Variants in CSMD1 observed in about 807,000 individuals in gnomAD.
CSMD1 encodes the protein CUB and sushi domain-containing protein 1.
CSMD1 carries 213 observed loss-of-function variants against 417.5 expected under a neutral mutation model. That is an observed-to-expected ratio of 0.51 (90% CI 0.46 to 0.57). The LOEUF (loss-of-function observed/expected upper bound fraction) is 0.57. CSMD1 is among the 20% of genes least tolerant of loss of function. The pLI is 0.00. For synonymous variants in CSMD1, 2,862 were observed against 1,736.8 expected (o/e 1.65, Z -16.11); for missense variants, 6,923 against 4,529.7 (o/e 1.53, Z -15.17).
Position 3,223,874 on chromosome 8 carries a change from C to G in CSMD1, c.4346-7G>C, listed in dbSNP as rs762856369. On this transcript the variant is annotated splice_polypyrimidine_tract_variant and splice_region_variant and intron_variant, in intron 27 of 69. Transcript: ENST00000635120. ...AGATTCCCTCCACAAGCAGCTGTCACAGAACAAAAGTTACAGAGAAAAAGT... is the reference window on the plus strand; with the variant it reads ...AGATTCCCTCCACAAGCAGCTGTCAGAGAACAAAAGTTACAGAGAAAAAGT... 2 of 1,613,454 alleles carry G rather than the reference C, an allele frequency of 1.2e-6. No individual in the cohort carries two copies. The highest frequency in any genetic ancestry group is 1.7e-6 in the Non-Finnish European group (2 of 1,179,604).
intron 9 of CSMD1, among the ~76,000 whole-genome samples, chr8:3,585,901 AT>A (rs1236504244): frequency 3.9e-5 from 6 of 152,150 alleles, no homozygotes; most frequent in African/African-American, 1.2e-4. Context: ...GTATGTGTGG[AT>A]TTGCTCACAT....
chr8:3,896,360 A>G lies in CSMD1; in HGVS notation c.818+101543T>C, dbSNP rs57227722. 9.3e-3 allele frequency among the ~76,000 whole-genome samples: 1,415 copies of G among 152,324 alleles called. 29 individuals are homozygous for G. Among genetic ancestry groups the G allele is most frequent in the African/African-American group, 0.032 (1,330 of 41,562 alleles). Reference sequence around the variant, plus strand: ...CACTTTGCTGAATTAGCAAAACATTAAGACTAATAGTCCAAACAGATGTTA... The same window carrying G: ...CACTTTGCTGAATTAGCAAAACATTGAGACTAATAGTCCAAACAGATGTTA... On this transcript the variant is annotated intron_variant, in intron 5 of 69. Transcript: ENST00000635120.
chr8:4,037,368 C>T (rs77143253), intron 3 of CSMD1, among the ~76,000 whole-genome samples: 8,084 of 152,268 alleles, frequency 0.053, 300 homozygotes, highest in Non-Finnish European at 0.075. Context: ...GCTGTAACAG[C>T]AATGGCCATC....
At chr8:3,630,055 A>G (rs1272657950) in intron 7 of CSMD1, among the ~76,000 whole-genome samples, 1 of 83,890 alleles carries the variant, frequency 1.2e-5, no homozygotes, top group Non-Finnish European at 2.8e-5. Context: ...ACTTTTCTAC[A>G]TTAGAGATCA....
At chr8:4,142,611 G>C (rs1371647667) in intron 3 of CSMD1, among the ~76,000 whole-genome samples, 1 of 151,090 alleles carries the variant, frequency 6.6e-6, no homozygotes, top group African/African-American at 2.5e-5. Context: ...TAGCTTAGCA[G>C]CACTGGCTCT....
rs920011218 is a variant in CSMD1, at chr8:3,239,495, C to T, written c.4154-9264G>A. On this transcript the variant is annotated intron_variant, in intron 26 of 69. Transcript: ENST00000635120. ...CAAGAGGTATTTTAGTTTGCTGACT[C>T]GGGGCATGTTGAGTAAAGCTAATTT... Among the ~76,000 whole-genome samples, 12 of 152,244 alleles carry T rather than the reference C, an allele frequency of 7.9e-5. No homozygotes were observed. The South Asian group carries it at 1.2e-3, about 16-fold the overall frequency.
chr8:3,861,441 A>T (rs1804703047), intron 5 of CSMD1, among the ~76,000 whole-genome samples: 1 of 152,328 alleles, frequency 6.6e-6, no homozygotes, highest in African/African-American at 2.4e-5. Flanking sequence ...TGGGGGTACT[A>T]TGAATGAACA....
intron 3 of CSMD1, among the ~76,000 whole-genome samples, chr8:4,301,668 A>G (rs1235682779): frequency 2.0e-5 from 3 of 152,216 alleles, no homozygotes; most frequent in Admixed American, 1.3e-4. Flanking sequence ...GGCCTCTTCA[A>G]TTAGGGCATG....
At chr8:4,429,166 ATATT>A (rs1192240236) in intron 2 of CSMD1, among the ~76,000 whole-genome samples, 1 of 150,698 alleles carries the variant, frequency 6.6e-6, no homozygotes, top group African/African-American at 2.4e-5. Flanking sequence ...TATATAATAT[ATATT>A]TATATAATTG....
At chr8:4,496,550 T>G (rs1226861817) in intron 2 of CSMD1, among the ~76,000 whole-genome samples, 1 of 152,194 alleles carries the variant, frequency 6.6e-6, no homozygotes, top group African/African-American at 2.4e-5. Context: ...ACCTCTGTTT[T>G]GAACTTCGCC....
At chr8:3,982,412 G>A (rs943141094) in intron 5 of CSMD1, among the ~76,000 whole-genome samples, 1 of 151,518 alleles carries the variant, frequency 6.6e-6, no homozygotes, top group East Asian at 1.9e-4. Flanking sequence ...GCTAATATAT[G>A]GAAAGCACAA....
At chr8:4,498,436 C>A (rs777318244) in intron 2 of CSMD1, among the ~76,000 whole-genome samples, 3 of 152,048 alleles carry the variant, frequency 2.0e-5, no homozygotes, top group Non-Finnish European at 4.4e-5. Flanking sequence ...GCTTCAGAGG[C>A]ATTTACTTAA....
intron 26 of CSMD1, among the ~76,000 whole-genome samples, chr8:3,258,379 A>C (rs1279347592): frequency 3.3e-5 from 5 of 152,214 alleles, no homozygotes; most frequent in Non-Finnish European, 7.3e-5. Flanking sequence ...AATGCAAATT[A>C]AAACCAAAAT....
chr8:4,885,503 C>G (rs977778343), intron 1 of CSMD1, among the ~76,000 whole-genome samples: 2 of 151,960 alleles, frequency 1.3e-5, no homozygotes, highest in African/African-American at 4.8e-5. Context: ...TTGAGAAACA[C>G]CACTGTAATT....
chr8:4,279,955 G>A (rs558362645), intron 3 of CSMD1, among the ~76,000 whole-genome samples: 67 of 152,108 alleles, frequency 4.4e-4, no homozygotes, highest in Non-Finnish European at 7.4e-4. Context: ...AGTACATAGG[G>A]GCAAGAACAT....
At chr8:4,649,651 C>G (rs1418233041) in intron 1 of CSMD1, among the ~76,000 whole-genome samples, 1 of 152,190 alleles carries the variant, frequency 6.6e-6, no homozygotes, top group East Asian at 1.9e-4. Flanking sequence ...AACTCTTCTA[C>G]TCCTCTTTAT....
chr8:3,132,008 T>A (rs918245364), intron 41 of CSMD1, among the ~76,000 whole-genome samples: 1 of 152,162 alleles, frequency 6.6e-6, no homozygotes, highest in Non-Finnish European at 1.5e-5. Context: ...CTCCACTGGC[T>A]CATGTCCAAA....
intron 4 of CSMD1, among the ~76,000 whole-genome samples, chr8:4,026,178 A>G (rs186082433): frequency 1.8e-4 from 28 of 152,324 alleles, no homozygotes; most frequent in Admixed American, 1.6e-3. Flanking sequence ...TACAAGAATT[A>G]GATCATTTTT....
chr8:4,048,166 T>G (rs78146032), intron 3 of CSMD1, among the ~76,000 whole-genome samples: 13 of 152,292 alleles, frequency 8.5e-5, no homozygotes, highest in Admixed American at 2.0e-4. Context: ...GCAGTCAGAC[T>G]TTGTTTTGGT....
Sources: gnomAD v4.1 joint callset for allele counts (sites outside exome capture counted in the v4.1 genomes callset) on GRCh38, gnomAD v4.1.1 for gene constraint, MANE v1.5 for transcripts, NCBI Gene and HGNC (gene_info 2026-07-23, HGNC 2026-07-21) for gene names.